Variants in KCNMA1 observed in about 807,000 individuals in gnomAD.
KCNMA1 encodes the protein potassium calcium-activated channel subfamily M alpha 1, also known as Calcium-activated potassium channel subunit alpha-1.
In KCNMA1, 29 loss-of-function variants were observed where a neutral mutation model predicts 140.0. The ratio of observed to expected loss-of-function variants is 0.21; its 90% CI spans 0.15 to 0.28. The LOEUF (loss-of-function observed/expected upper bound fraction) is 0.28, where lower values mean the gene tolerates loss of function less well. Ranked by LOEUF, KCNMA1 falls within the 10% of genes least tolerant of loss-of-function variation. The probability of loss-of-function intolerance (pLI) is 1.00; values close to 1 mark genes in which losing one functional copy is unlikely to be tolerated. For synonymous variants in KCNMA1, 612 were observed against 611.9 expected, an observed-to-expected ratio of 1.00 and a Z score of 0.00; for missense variants, 880 against 1,602.2, an observed-to-expected ratio of 0.55 and a Z score of 7.70.
intron 22 of KCNMA1, among the ~76,000 whole-genome samples, chr10:76,945,928 A>T (rs1374266235): frequency 1.3e-5 from 2 of 152,170 alleles, no homozygotes; most frequent in East Asian, 1.9e-4. Context: ...GGGAAATAGG[A>T]TTCGTGGGGG....
At chr10:77,390,588 C>A (rs779489491) in intron 2 of KCNMA1, among the ~76,000 whole-genome samples, 1 of 152,184 alleles carries the variant, frequency 6.6e-6, no homozygotes, top group African/African-American at 2.4e-5. Context: ...TGATTTTCCA[C>A]CCCTGAGGCA....
chr10:77,463,792 G>A (rs560582955), intron 1 of KCNMA1, among the ~76,000 whole-genome samples: 2 of 152,220 alleles, frequency 1.3e-5, no homozygotes, highest in Admixed American at 6.5e-5. Context: ...AGAAGGGAGT[G>A]CCCAGGCCTT....
At chr10:77,091,579 G>C (rs2096819062) in intron 9 of KCNMA1, 1 of 152,234 alleles carries the variant, frequency 6.6e-6, no homozygotes, top group African/African-American at 2.4e-5. Context: ...TGTAGCAAGA[G>C]GCTCGACTCC....
chr10:77,564,668 A>G (rs114557200), intron 1 of KCNMA1, among the ~76,000 whole-genome samples: 2,229 of 152,286 alleles, frequency 0.015, 62 homozygotes, highest in African/African-American at 0.051. Context: ...GGCAGGTGAC[A>G]TGTCTTTATG....
chr10:77,200,761 C>A (rs530388387), intron 3 of KCNMA1, among the ~76,000 whole-genome samples: 4 of 152,090 alleles, frequency 2.6e-5, no homozygotes, highest in African/African-American at 7.2e-5. Flanking sequence ...ATAGGGGTAC[C>A]TGGACATAGT....
intron 2 of KCNMA1, among the ~76,000 whole-genome samples, chr10:77,385,831 A>T (rs1198913214): frequency 6.6e-6 from 1 of 152,208 alleles, no homozygotes; most frequent in African/African-American, 2.4e-5. Flanking sequence ...AACCTAAGCA[A>T]AGCTGGCTTT....
chr10:77,455,056 C>T (rs1193079857), intron 1 of KCNMA1, among the ~76,000 whole-genome samples: 1 of 152,168 alleles, frequency 6.6e-6, no homozygotes. Context: ...AATCTTCATT[C>T]CCTGTAGTCA....
intron 6 of KCNMA1, among the ~76,000 whole-genome samples, chr10:77,114,374 G>A (rs2097399883): frequency 6.6e-6 from 1 of 152,174 alleles, no homozygotes; most frequent in African/African-American, 2.4e-5. Flanking sequence ...ATCCTGTTCA[G>A]TCCCACTGGG....
chr10:77,445,119 T>C (rs1017526626), intron 1 of KCNMA1, among the ~76,000 whole-genome samples: 2 of 151,888 alleles, frequency 1.3e-5, no homozygotes, highest in Admixed American at 1.3e-4. Context: ...CGTTTAGAGA[T>C]GGAAAGCAAG....
chr10:77,223,889 C>T (rs2050477449), intron 3 of KCNMA1, among the ~76,000 whole-genome samples: 1 of 152,130 alleles, frequency 6.6e-6, no homozygotes, highest in Non-Finnish European at 1.5e-5. Context: ...TGGAAGCCTT[C>T]ATGACTTAAA....
chr10:77,397,471 T>C (rs1422301372), intron 2 of KCNMA1, among the ~76,000 whole-genome samples: 1 of 152,182 alleles, frequency 6.6e-6, no homozygotes, highest in East Asian at 1.9e-4. Context: ...ACATTTATCT[T>C]TGTGTTGGGA....
chr10:77,042,435 T>C (rs2094783323), intron 14 of KCNMA1, among the ~76,000 whole-genome samples: 1 of 152,238 alleles, frequency 6.6e-6, no homozygotes. Flanking sequence ...ATTTGTTTTA[T>C]TAATGAATAG....
At chr10:77,592,853 GC>G (rs2079633498) in intron 1 of KCNMA1, among the ~76,000 whole-genome samples, 1 of 152,146 alleles carries the variant, frequency 6.6e-6, no homozygotes, top group Non-Finnish European at 1.5e-5. Context: ...CACTGAGTGT[GC>G]CCCGGCAGCC....
At chr10:77,432,840 G>C (rs528126855) in intron 1 of KCNMA1, among the ~76,000 whole-genome samples, 1 of 152,300 alleles carries the variant, frequency 6.6e-6, no homozygotes, top group Admixed American at 6.5e-5. Context: ...CTGGGCGAGA[G>C]AGACTTACAG....
intron 3 of KCNMA1, among the ~76,000 whole-genome samples, chr10:77,220,684 T>C (rs758273895): frequency 6.6e-6 from 1 of 152,158 alleles, no homozygotes; most frequent in Non-Finnish European, 1.5e-5. Flanking sequence ...TTTGAAACTA[T>C]CTAGTTTTGA....
chr10:77,112,307 G>T, intron 7 of KCNMA1, 60 bp downstream of exon 7: 2 of 1,182,818 alleles, frequency 1.7e-6, no homozygotes, highest in South Asian at 1.2e-5. Context: ...GTAATAAAAT[G>T]ACTCAGAGAG....
chr10:77,286,382 G>A (rs1384012757), intron 2 of KCNMA1, among the ~76,000 whole-genome samples: 1 of 152,170 alleles, frequency 6.6e-6, no homozygotes, highest in Non-Finnish European at 1.5e-5. Flanking sequence ...TTCTCTCTGT[G>A]TTAAAGAGAA....
intron 6 of KCNMA1, among the ~76,000 whole-genome samples, 165 bp downstream of exon 6, chr10:77,120,808 A>C (rs1298606291): frequency 6.6e-6 from 1 of 152,174 alleles, no homozygotes; most frequent in African/African-American, 2.4e-5. Flanking sequence ...AGAAGAGAGC[A>C]ACTCAAACCC....
chr10:77,190,397 T>C (rs35896634), intron 3 of KCNMA1, among the ~76,000 whole-genome samples: 48,564 of 151,880 alleles, frequency 0.32, 8,163 homozygotes, highest in Non-Finnish European at 0.35. Context: ...GAGGCTCAGA[T>C]ATCCAATCAA....
Sources: allele counts gnomAD v4.1 joint callset (sites outside exome capture counted in the v4.1 genomes callset), GRCh38; gene constraint gnomAD v4.1.1; transcripts MANE v1.5; gene names NCBI Gene and HGNC (gene_info 2026-07-23, HGNC 2026-07-21).